KCNN2: variants seen among roughly 807,000 people sequenced by gnomAD.
KCNN2 encodes potassium calcium-activated channel subfamily N member 2, also known as small conductance calcium-activated potassium channel protein 2.
A neutral mutation model predicts 55.5 loss-of-function variants in KCNN2; 24 were observed. That is an observed-to-expected ratio of 0.43 (90% CI 0.31 to 0.61). KCNN2 has a LOEUF of 0.61. Ranked by LOEUF, KCNN2 falls within the 20% of genes least tolerant of loss-of-function variation. The pLI, the probability that KCNN2 is intolerant of heterozygous loss-of-function variation, is 0.08. For synonymous variants in KCNN2, 431 were observed against 336.1 expected (o/e 1.28, Z -3.09); for missense variants, 754 against 853.6 (o/e 0.88, Z 1.45).
intron 2 of KCNN2, among the ~76,000 whole-genome samples, chr5:114,272,439 T>TATACACACATATGTATGTACATATC (rs10654369): frequency 6.8e-5 from 1 of 14,626 alleles, no homozygotes; most frequent in African/African-American, 9.2e-5. Context: ...GTACATATCA[T>TATACACACATATGTATGTACATATC]ATACACACAT....
chr5:114,331,756 A>G (rs1756825097), intron 2 of KCNN2, among the ~76,000 whole-genome samples: 1 of 152,200 alleles, frequency 6.6e-6, no homozygotes, highest in Non-Finnish European at 1.5e-5. Flanking sequence ...TTATAAATAT[A>G]TCTGTAAGTA....
At chr5:114,319,397 G>A (rs948331502) in intron 2 of KCNN2, among the ~76,000 whole-genome samples, 5 of 152,242 alleles carry the variant, frequency 3.3e-5, no homozygotes, top group Non-Finnish European at 5.9e-5. Flanking sequence ...CCAGCCTTTG[G>A]TACTGCCTTT....
At chr5:114,171,667 TTTTCTTATATGC>T (rs1753035970) in intron 1 of KCNN2, among the ~76,000 whole-genome samples, 1 of 98,664 alleles carries the variant, frequency 1.0e-5, no homozygotes, top group Non-Finnish European at 2.1e-5. Flanking sequence ...AGAGCCTCGC[TTTTCTTATATGC>T]TTTTTTTTTT....
At chr5:114,388,200 A>G (rs866756139) in intron 2 of KCNN2, among the ~76,000 whole-genome samples, 2 of 151,946 alleles carry the variant, frequency 1.3e-5, no homozygotes, top group African/African-American at 2.4e-5. Context: ...CTTATTTCTG[A>G]CATTATTTTG....
intron 2 of KCNN2, among the ~76,000 whole-genome samples, chr5:114,222,291 A>T: frequency 6.6e-6 from 1 of 152,176 alleles, no homozygotes; most frequent in East Asian, 1.9e-4. Context: ...AGTAAACAAT[A>T]TTTGCATGGT....
intron 3 of KCNN2, among the ~76,000 whole-genome samples, chr5:114,420,820 T>C (rs984842356): frequency 2.0e-5 from 3 of 152,244 alleles, no homozygotes; most frequent in Non-Finnish European, 2.9e-5. Flanking sequence ...CACTTCTTCA[T>C]GCTATTTGAT....
At chr5:114,483,743 GTA>G (rs1762334297) in intron 5 of KCNN2, among the ~76,000 whole-genome samples, 1 of 150,636 alleles carries the variant, frequency 6.6e-6, no homozygotes, top group African/African-American at 2.5e-5. Flanking sequence ...GTGTGTGTGT[GTA>G]AAGATGTTCC....
chr5:114,415,466 G>T (rs1489769215), intron 3 of KCNN2, among the ~76,000 whole-genome samples: 1 of 152,166 alleles, frequency 6.6e-6, no homozygotes, highest in Non-Finnish European at 1.5e-5. Flanking sequence ...CTGGATATGG[G>T]TATATAGCAT....
intron 1 of KCNN2, among the ~76,000 whole-genome samples, chr5:114,157,568 G>A (rs1036508399): frequency 2.0e-5 from 3 of 152,138 alleles, no homozygotes; most frequent in Non-Finnish European, 4.4e-5. Flanking sequence ...CTAGATCCCT[G>A]AGGAATTGCC....
chr5:114,413,340 A>T (rs1407572319), intron 3 of KCNN2, among the ~76,000 whole-genome samples: 1 of 151,716 alleles, frequency 6.6e-6, no homozygotes, highest in Non-Finnish European at 1.5e-5. Context: ...GCTGGAGTGC[A>T]GTGGCACAAT....
In KCNN2 at chr5:114,086,604, G is replaced by A. The variant is rs564992341; in HGVS notation, c.-271+30104G>A. On this transcript the variant is annotated intron_variant, in intron 1 of 10. Transcript: ENST00000512097. ...TAGCTGCATCTATGTCACTGCAAAG[G>A]ACGTAATCTAATTCTTTTTTATGGC... Among the ~76,000 whole-genome samples the A allele has an allele frequency of 2.6e-5, 4 of 152,032 alleles. No homozygotes were observed. The South Asian group carries it at 6.2e-4, about 24-fold the overall frequency.
chr5:114,296,991 A>G (rs1231959105), intron 2 of KCNN2, among the ~76,000 whole-genome samples: 1 of 152,110 alleles, frequency 6.6e-6, no homozygotes, highest in Non-Finnish European at 1.5e-5. Context: ...CTCCTTAGCT[A>G]CTTGCTTGGT....
At chr5:114,439,620 A>G (rs1337714985) in intron 3 of KCNN2, among the ~76,000 whole-genome samples, 1 of 152,276 alleles carries the variant, frequency 6.6e-6, no homozygotes, top group East Asian at 1.9e-4. Context: ...GGTGATTCTA[A>G]TGCACCGCCA....
intron 2 of KCNN2, among the ~76,000 whole-genome samples, chr5:114,339,997 C>T (rs1338053711): frequency 6.6e-6 from 1 of 152,058 alleles, no homozygotes; most frequent in African/African-American, 2.4e-5. Flanking sequence ...AGAACTTTAG[C>T]TTGGAAAAAT....
At chr5:114,340,756 A>G (rs1205358342) in intron 2 of KCNN2, among the ~76,000 whole-genome samples, 1 of 152,116 alleles carries the variant, frequency 6.6e-6, no homozygotes, top group Non-Finnish European at 1.5e-5. Context: ...ATTAATCACT[A>G]TATCAGTAGT....
At chr5:114,474,361 T>C (rs17136666) in intron 5 of KCNN2, among the ~76,000 whole-genome samples, 28,792 of 152,070 alleles carry the variant, frequency 0.19, 2,891 homozygotes, top group African/African-American at 0.27. Context: ...TCCACGTTTA[T>C]AGTAGATGGT....
chr5:114,309,070 TCTTA>T (rs1756345898), intron 2 of KCNN2, among the ~76,000 whole-genome samples: 1 of 152,200 alleles, frequency 6.6e-6, no homozygotes, highest in Admixed American at 6.5e-5. Flanking sequence ...ATTAAATTAA[TCTTA>T]CTGTCTGATT....
intron 1 of KCNN2, among the ~76,000 whole-genome samples, chr5:114,162,894 G>A (rs766829747): frequency 1.4e-4 from 21 of 152,232 alleles, no homozygotes; most frequent in Non-Finnish European, 2.6e-4. Flanking sequence ...TCCAGGTGCC[G>A]TCTGTCACCC....
intron 1 of KCNN2, among the ~76,000 whole-genome samples, chr5:114,132,885 CTTAG>C (rs1033144869): frequency 1.3e-5 from 2 of 152,128 alleles, no homozygotes; most frequent in South Asian, 2.1e-4. Context: ...GAAGGTCAGA[CTTAG>C]TTAATTTATG....
Sources: gnomAD v4.1 joint callset for allele counts (sites outside exome capture counted in the v4.1 genomes callset) on GRCh38, gnomAD v4.1.1 for gene constraint, MANE v1.5 for transcripts, NCBI Gene and HGNC (gene_info 2026-07-23, HGNC 2026-07-21) for gene names.